The following GALNTL6 variants were observed in gnomAD, a reference collection of about 807,000 sequenced individuals.
GALNTL6 encodes the protein polypeptide N-acetylgalactosaminyltransferase-like 6.
Under a neutral mutation model 73.7 loss-of-function variants are expected in GALNTL6, and 46 were observed. That is an observed-to-expected ratio of 0.62 (90% CI 0.49 to 0.80). The LOEUF (loss-of-function observed/expected upper bound fraction) is 0.80, where lower values mean the gene tolerates loss of function less well. GALNTL6 is among the 30% of genes least tolerant of loss of function. GALNTL6 has a pLI of 0.00. For missense variants in GALNTL6, 604 were observed against 755.0 expected (o/e 0.80, Z 2.34); for synonymous variants, 259 against 263.7 (o/e 0.98, Z 0.17).
rs544313660 is a variant in GALNTL6 at position 172,622,796 on chromosome 4, CAGGTCTGAGGATCTAGAAG to C, written c.554-186560_554-186542del. On this transcript the variant is annotated intron_variant, in intron 5 of 12. Coordinates refer to ENST00000506823, the MANE Select transcript of GALNTL6 (RefSeq NM_001034845.3). ...GAAACCGACCTAGCCCAGGGTGATC[CAGGTCTGAGGATCTAGAAG>C]AGGTTTCTTTAATATTAATTTGATG... Among the ~76,000 whole-genome samples the C allele has an allele frequency of 2.0e-4, 31 of 152,172 alleles. No individual in the cohort carries two copies. The South Asian group carries it at 5.0e-3, about 24-fold the overall frequency.
intron 8 of GALNTL6, among the ~76,000 whole-genome samples, chr4:172,930,110 C>G (rs1748251660): frequency 6.6e-6 from 1 of 152,120 alleles, no homozygotes; most frequent in African/African-American, 2.4e-5. Flanking sequence ...AACCTCGCCT[C>G]TACTAAAAAT....
At chr4:171,906,692 A>C (rs1315899557) in intron 2 of GALNTL6, among the ~76,000 whole-genome samples, 1 of 152,192 alleles carries the variant, frequency 6.6e-6, no homozygotes, top group Non-Finnish European at 1.5e-5. Flanking sequence ...ACACAACCAA[A>C]AAAGAGAATT....
At chr4:172,606,715 G>GTA (rs138021622) in intron 5 of GALNTL6, among the ~76,000 whole-genome samples, 1,340 of 103,648 alleles carry the variant, frequency 0.013, 10 homozygotes, top group African/African-American at 0.02. Flanking sequence ...TATATATATA[G>GTA]TATATATATA....
intron 2 of GALNTL6, among the ~76,000 whole-genome samples, chr4:171,869,972 A>G (rs1475861058): frequency 6.8e-6 from 1 of 146,028 alleles, no homozygotes; most frequent in Non-Finnish European, 1.5e-5. Flanking sequence ...CAGCATGAAA[A>G]CAGACTAATA....
At chr4:172,478,688 A>G (rs1733330059) in intron 5 of GALNTL6, among the ~76,000 whole-genome samples, 1 of 152,230 alleles carries the variant, frequency 6.6e-6, no homozygotes, top group African/African-American at 2.4e-5. Flanking sequence ...TCCGCACAGC[A>G]AAATAAATAA....
chr4:171,824,224 A>G (rs1277719441), intron 2 of GALNTL6, among the ~76,000 whole-genome samples: 1 of 151,688 alleles, frequency 6.6e-6, no homozygotes, highest in Non-Finnish European at 1.5e-5. Context: ...AGTTCACCAT[A>G]TATTACAACT....
chr4:172,608,910 A>C (rs945069395), intron 5 of GALNTL6, among the ~76,000 whole-genome samples: 3 of 152,008 alleles, frequency 2.0e-5, no homozygotes, highest in African/African-American at 7.2e-5. Flanking sequence ...TTGCATTCTT[A>C]ATTTGGCTCT....
At chr4:171,976,123 A>G (rs951528570) in intron 2 of GALNTL6, among the ~76,000 whole-genome samples, 1 of 152,144 alleles carries the variant, frequency 6.6e-6, no homozygotes, top group Admixed American at 6.5e-5. Flanking sequence ...GGGTTTCACC[A>G]TGTTGTCCAG....
rs905481275 is a variant in GALNTL6 at position 172,108,791 on chromosome 4, C to T, written c.139-120865C>T. ...CTTTGGGAGGCTGAGGCAGGCGGAA[C>T]ACCTGAGGTCAGGAGTTTGAGACCA... On this transcript the variant is annotated intron_variant, in intron 2 of 12. Transcript: ENST00000506823. Among the ~76,000 whole-genome samples the T allele has an allele frequency of 2.6e-5, 4 of 152,064 alleles. No individual in the cohort carries two copies. The South Asian group carries it at 8.3e-4, about 32-fold the overall frequency.
intron 5 of GALNTL6, among the ~76,000 whole-genome samples, chr4:172,612,350 G>A (rs1738556404): frequency 6.6e-6 from 1 of 152,092 alleles, no homozygotes; most frequent in Admixed American, 6.6e-5. Flanking sequence ...GGAAAAGATG[G>A]ATTTATGTCA....
intron 5 of GALNTL6, among the ~76,000 whole-genome samples, chr4:172,584,451 A>G (rs1737325662): frequency 6.6e-6 from 1 of 152,228 alleles, no homozygotes; most frequent in African/African-American, 2.4e-5. Flanking sequence ...TAATAAAGTC[A>G]GGTGACATTG....
intron 2 of GALNTL6, among the ~76,000 whole-genome samples, chr4:171,818,596 G>A (rs956687975): frequency 4.1e-5 from 6 of 147,956 alleles, no homozygotes. Flanking sequence ...AAAAAGCCTA[G>A]GTCCTCTATG....
At chr4:172,447,437 C>G (rs1275218761) in intron 5 of GALNTL6, among the ~76,000 whole-genome samples, 2 of 152,078 alleles carry the variant, frequency 1.3e-5, no homozygotes, top group Non-Finnish European at 2.9e-5. Flanking sequence ...CATTTGGCAT[C>G]GGTTGTAGGT....
Position 171,866,884 on chromosome 4 carries a change from A to C in GALNTL6, c.138+52166A>C, listed in dbSNP as rs77973652. Reference sequence around the variant, plus strand: ...AAGCCCCATCTCCAAATACCATCACATTGGGCATGAGGATTTCAACATGAA... The same window carrying C: ...AAGCCCCATCTCCAAATACCATCACCTTGGGCATGAGGATTTCAACATGAA... On this transcript the variant is annotated intron_variant, in intron 2 of 12. Transcript: ENST00000506823. Among the ~76,000 whole-genome samples the C allele has an allele frequency of 7.7e-3, 1,167 of 152,280 alleles. 17 individuals are homozygous for C. The highest frequency in any genetic ancestry group is 0.027 in the African/African-American group (1,105 of 41,554).
intron 3 of GALNTL6, among the ~76,000 whole-genome samples, chr4:172,235,861 AC>A (rs1393950142): frequency 6.6e-6 from 1 of 152,032 alleles, no homozygotes; most frequent in East Asian, 1.9e-4. Flanking sequence ...CCCAGTGTTA[AC>A]CCACAAATGG....
chr4:172,405,443 ATTTTTTTTTTT>A (rs201198149), intron 5 of GALNTL6, among the ~76,000 whole-genome samples: 29 of 7,866 alleles, frequency 3.7e-3, no homozygotes, highest in African/African-American at 5.1e-3. Context: ...ATATATATAT[ATTTTTTTTTTT>A]TTTTTTTTTT....
At chr4:172,610,967 AT>A (rs1738506176) in intron 5 of GALNTL6, among the ~76,000 whole-genome samples, 2 of 151,894 alleles carry the variant, frequency 1.3e-5, no homozygotes, top group Non-Finnish European at 2.9e-5. Flanking sequence ...ATCATTGTTC[AT>A]TTAAAGTCTG....
At chr4:172,429,223 A>ATTTTATTTTATTTTAT in intron 5 of GALNTL6, among the ~76,000 whole-genome samples, 1 of 147,156 alleles carries the variant, frequency 6.8e-6, no homozygotes, top group African/African-American at 2.5e-5. Context: ...ATTTTATTTT[A>ATTTTATTTTATTTTAT]TTTTTTGAGA....
chr4:172,781,851 C>T (rs556599810), intron 5 of GALNTL6, among the ~76,000 whole-genome samples: 1 of 151,548 alleles, frequency 6.6e-6, no homozygotes, highest in Admixed American at 6.6e-5. Flanking sequence ...GGTTAATGGG[C>T]ATGTATTATT....
Sources: gnomAD v4.1 joint callset for allele counts (sites outside exome capture counted in the v4.1 genomes callset) on GRCh38, gnomAD v4.1.1 for gene constraint, MANE v1.5 for transcripts, NCBI Gene and HGNC (gene_info 2026-07-23, HGNC 2026-07-21) for gene names.